Variants in KLHL13 observed in about 807,000 individuals in gnomAD.
The protein encoded by KLHL13 is kelch-like protein 13.
Under a neutral mutation model 37.1 loss-of-function variants are expected in KLHL13, and 10 were observed. That is an observed-to-expected ratio of 0.27 (90% CI 0.17 to 0.46). The LOEUF (loss-of-function observed/expected upper bound fraction) is 0.46. Ranked by LOEUF, KLHL13 falls within the 20% of genes least tolerant of loss-of-function variation. The pLI is 1.00. For synonymous variants in KLHL13, 163 were observed against 181.2 expected, an observed-to-expected ratio of 0.90 and a Z score of 0.81; for missense variants, 360 against 509.3, an observed-to-expected ratio of 0.71 and a Z score of 2.82.
At chrX:118,102,787 T>A (rs773851361) in intron 1 of KLHL13, among the ~76,000 whole-genome samples, 7 of 112,243 alleles carry the variant, frequency 6.2e-5, no homozygotes, top group Non-Finnish European at 1.3e-4. Flanking sequence ...CTAAACCATT[T>A]AAGACTTTAC....
At chrX:117,981,362 T>C (rs1007591387) in intron 1 of KLHL13, among the ~76,000 whole-genome samples, 2 of 112,165 alleles carry the variant, frequency 1.8e-5, no homozygotes, top group Non-Finnish European at 3.8e-5. Flanking sequence ...AGTAATTCCA[T>C]TTTGAATAAA....
At chrX:117,912,433 T>C (rs1602538865) in intron 4 of KLHL13, among the ~76,000 whole-genome samples, 1 of 112,128 alleles carries the variant, frequency 8.9e-6, no homozygotes, top group Middle Eastern at 4.6e-3. Flanking sequence ...AACTGTATAA[T>C]TCAGAAATGG....
chrX:118,043,696 G>A (rs1345926483), intron 1 of KLHL13, among the ~76,000 whole-genome samples: 1 of 111,570 alleles, frequency 9.0e-6, no homozygotes, highest in Non-Finnish European at 1.9e-5. Flanking sequence ...ATCGCTTCAT[G>A]ATAAAAAGAA....
chrX:118,071,608 G>C (rs1397637856), intron 1 of KLHL13, among the ~76,000 whole-genome samples: 1 of 111,142 alleles, frequency 9.0e-6, no homozygotes, highest in Non-Finnish European at 1.9e-5. Context: ...ATCTCCTTAA[G>C]CTGATAAGCA....
intron 1 of KLHL13, among the ~76,000 whole-genome samples, chrX:118,049,974 C>T (rs971534234): frequency 8.9e-6 from 1 of 112,791 alleles, no homozygotes; most frequent in Non-Finnish European, 1.9e-5. Context: ...TATCATTGTA[C>T]TTCATGTTGG....
chrX:117,906,190 C>A (rs1930522729), intron 5 of KLHL13, among the ~76,000 whole-genome samples: 1 of 111,149 alleles, frequency 9.0e-6, no homozygotes, highest in Non-Finnish European at 1.9e-5. Flanking sequence ...TTAAAAAGCG[C>A]TTGTAGGGTA....
intron 1 of KLHL13, among the ~76,000 whole-genome samples, chrX:118,076,276 A>AT (rs1298006057): frequency 2.7e-5 from 3 of 111,225 alleles, no homozygotes; most frequent in East Asian, 2.8e-4. Context: ...CTTCTGAGAG[A>AT]TTTTTTTTAA....
At chrX:118,079,675 A>C (rs1217967418) in intron 1 of KLHL13, among the ~76,000 whole-genome samples, 3 of 111,329 alleles carry the variant, frequency 2.7e-5, no homozygotes, top group Non-Finnish European at 3.8e-5. Context: ...TTCCATTCTC[A>C]TGGATTTGAA....
At chrX:117,907,398 T>C (rs1930620450) in intron 5 of KLHL13, among the ~76,000 whole-genome samples, 2 of 111,787 alleles carry the variant, frequency 1.8e-5, no homozygotes, top group African/African-American at 6.5e-5. Flanking sequence ...ACAGGGGTGA[T>C]AATATCAACA....
At chrX:118,079,757 C>T (rs1449515553) in intron 1 of KLHL13, among the ~76,000 whole-genome samples, 1 of 111,130 alleles carries the variant, frequency 9.0e-6, no homozygotes, top group East Asian at 2.8e-4. Context: ...TATGAAACTA[C>T]CAACATTATT....
At chrX:117,901,019 T>C (rs1347745608) in intron 6 of KLHL13, among the ~76,000 whole-genome samples, 1 of 111,844 alleles carries the variant, frequency 8.9e-6, no homozygotes, top group Non-Finnish European at 1.9e-5. Context: ...CAGAATTTTT[T>C]AACAGAAAAA....
intron 1 of KLHL13, among the ~76,000 whole-genome samples, chrX:117,996,041 G>A (rs2053850695): frequency 1.8e-5 from 2 of 111,295 alleles, no homozygotes; most frequent in Admixed American, 1.9e-4. Flanking sequence ...ATTTCTGGGT[G>A]AACATATGAT....
intron 1 of KLHL13, among the ~76,000 whole-genome samples, chrX:118,077,574 G>A (rs2054941395): frequency 9.1e-6 from 1 of 110,319 alleles, no homozygotes; most frequent in African/African-American, 3.3e-5. Context: ...CCCTAGAAAG[G>A]AAACAGCCTG....
At chrX:117,920,469 TGTGGAACATAA>T in intron 2 of KLHL13, 99 bp from the exon 4 acceptor site, 1 of 860,699 alleles carries the variant, frequency 1.2e-6, no homozygotes. Context: ...GTGCAACATA[TGTGGAACATAA>T]AGCCAACAGA....
intron 1 of KLHL13, among the ~76,000 whole-genome samples, chrX:118,076,831 C>A (rs1338856108): frequency 9.1e-6 from 1 of 109,425 alleles, no homozygotes; most frequent in Non-Finnish European, 1.9e-5. Context: ...TCCTTAAAAT[C>A]TTTTTTCTCT....
chrX:117,914,837 G>T (rs1485221329), intron 4 of KLHL13, among the ~76,000 whole-genome samples: 4 of 112,416 alleles, frequency 3.6e-5, no homozygotes, highest in Non-Finnish European at 5.6e-5. Flanking sequence ...TTGTGAGGTT[G>T]AAGAGGTTTG....
In KLHL13 at chrX:117,916,847, A is replaced by G. The variant is rs149052634; in HGVS notation, c.570+2674T>C. On this transcript the variant is annotated intron_variant, in intron 4 of 6. Transcript: ENST00000262820. ...AAAAACATAAAGCCTATTTCCTCTAAAACATCTTATTTCAGCACACCGTTC... is the reference window on the plus strand; with the variant it reads ...AAAAACATAAAGCCTATTTCCTCTAGAACATCTTATTTCAGCACACCGTTC... Among the ~76,000 whole-genome samples, 1,032 of 112,085 alleles carry G rather than the reference A, an allele frequency of 9.2e-3. 17 individuals are homozygous for G. Among genetic ancestry groups the G allele is most frequent in the African/African-American group, 0.031 (954 of 30,875 alleles).
At chrX:118,024,410 T>G (rs1488654261) in intron 1 of KLHL13, among the ~76,000 whole-genome samples, 1 of 111,714 alleles carries the variant, frequency 9.0e-6, no homozygotes, top group Non-Finnish European at 1.9e-5. Context: ...AAACTGAACT[T>G]CATTTTAAAA....
chrX:117,939,244 T>C (rs1009158496), intron 2 of KLHL13, among the ~76,000 whole-genome samples: 1 of 111,830 alleles, frequency 8.9e-6, no homozygotes, highest in Non-Finnish European at 1.9e-5. Flanking sequence ...TCCAGCTTCA[T>C]GCATGTCCCT....
Sources: allele counts gnomAD v4.1 joint callset (sites outside exome capture counted in the v4.1 genomes callset), GRCh38; gene constraint gnomAD v4.1.1; transcripts MANE v1.5; gene names NCBI Gene and HGNC (gene_info 2026-07-23, HGNC 2026-07-21).